Variants in CACNA2D3 observed in about 807,000 individuals in gnomAD.
CACNA2D3 encodes the protein voltage-dependent calcium channel subunit alpha-2/delta-3.
A neutral mutation model predicts 160.6 loss-of-function variants in CACNA2D3; 60 were observed. The observed-to-expected ratio is 0.37, with a 90% CI of 0.30 to 0.46. The LOEUF is 0.46. Among genes scored for constraint, CACNA2D3 ranks in the 20% least tolerant of loss-of-function variants. The pLI is 1.00. For missense variants in CACNA2D3, 1,205 were observed against 1,365.0 expected, an observed-to-expected ratio of 0.88 and a Z score of 1.85; for synonymous variants, 558 against 492.9, an observed-to-expected ratio of 1.13 and a Z score of -1.75.
chr3:54,828,921 A>G (rs919678587), intron 14 of CACNA2D3, among the ~76,000 whole-genome samples: 1 of 152,242 alleles, frequency 6.6e-6, no homozygotes, highest in African/African-American at 2.4e-5. Context: ...ACACTTTACC[A>G]AGACAATCAA....
At chr3:54,709,918 C>G (rs1429062618) in intron 11 of CACNA2D3, among the ~76,000 whole-genome samples, 3 of 152,174 alleles carry the variant, frequency 2.0e-5, no homozygotes, top group Non-Finnish European at 4.4e-5. Context: ...GAGCAAGACC[C>G]TGTCTCTAAA....
intron 12 of CACNA2D3, among the ~76,000 whole-genome samples, chr3:54,755,962 A>G (rs1701962319): frequency 6.6e-6 from 1 of 152,178 alleles, no homozygotes. Context: ...GTCTTGTCTT[A>G]ATCAACTAAT....
intron 18 of CACNA2D3, among the ~76,000 whole-genome samples, chr3:54,872,643 C>T (rs1699562774): frequency 6.6e-6 from 1 of 152,212 alleles, no homozygotes; most frequent in Non-Finnish European, 1.5e-5. Flanking sequence ...TGCACTTTGT[C>T]ACCAGCTCAA....
chr3:54,952,327 T>A (rs553451561), intron 27 of CACNA2D3, among the ~76,000 whole-genome samples: 16 of 152,302 alleles, frequency 1.1e-4, no homozygotes, highest in African/African-American at 3.6e-4. Flanking sequence ...CCCTGCCTAG[T>A]TTCCCAGGAG....
chr3:54,343,203 G>A (rs1036945474), intron 3 of CACNA2D3, among the ~76,000 whole-genome samples: 3 of 152,084 alleles, frequency 2.0e-5, no homozygotes, highest in African/African-American at 7.2e-5. Context: ...CCCCTCCCAC[G>A]AGGAGATTGT....
At chr3:54,175,591 G>A (rs1458454899) in intron 2 of CACNA2D3, among the ~76,000 whole-genome samples, 1 of 145,866 alleles carries the variant, frequency 6.9e-6, no homozygotes, top group East Asian at 2.0e-4. Flanking sequence ...CCAGCCTGGG[G>A]TGACAAAGCG....
intron 11 of CACNA2D3, among the ~76,000 whole-genome samples, chr3:54,652,207 T>C (rs1035714235): frequency 6.6e-6 from 1 of 151,860 alleles, no homozygotes; most frequent in Non-Finnish European, 1.5e-5. Flanking sequence ...TAATAAGGGA[T>C]GTTGAAGGTG....
intron 35 of CACNA2D3, among the ~76,000 whole-genome samples, 192 bp downstream of exon 35, chr3:55,018,509 A>G (rs747046120): frequency 6.6e-6 from 1 of 152,222 alleles, no homozygotes; most frequent in Non-Finnish European, 1.5e-5. Context: ...GACACTGGGA[A>G]GCATTCAGAA....
At chr3:54,794,552 C>G (rs1702828116) in intron 13 of CACNA2D3, among the ~76,000 whole-genome samples, 1 of 150,938 alleles carries the variant, frequency 6.6e-6, no homozygotes, top group Admixed American at 6.6e-5. Flanking sequence ...TGAAGAATTT[C>G]CTTTAATTTT....
intron 8 of CACNA2D3, among the ~76,000 whole-genome samples, chr3:54,577,726 A>G (rs4955866): frequency 0.34 from 52,010 of 152,078 alleles, 9,872 homozygotes; most frequent in Non-Finnish European, 0.43. Context: ...TCATCCTCAC[A>G]GTGAGCTCAT....
At chr3:54,808,218 A>G (rs1703185943) in intron 13 of CACNA2D3, among the ~76,000 whole-genome samples, 1 of 152,134 alleles carries the variant, frequency 6.6e-6, no homozygotes, top group South Asian at 2.1e-4. Context: ...TAATTTTTAA[A>G]AAATAAAAAA....
chr3:54,336,188 G>A (rs924838290), intron 3 of CACNA2D3, among the ~76,000 whole-genome samples: 48 of 152,128 alleles, frequency 3.2e-4, no homozygotes, highest in African/African-American at 1.1e-3. Context: ...ACGCATGGAC[G>A]CCCTCCTGCT....
At chr3:54,365,177 A>C (rs913020726) in intron 3 of CACNA2D3, among the ~76,000 whole-genome samples, 2 of 152,214 alleles carry the variant, frequency 1.3e-5, no homozygotes, top group African/African-American at 2.4e-5. Context: ...AGTGGGGACC[A>C]CTTCAAACAT....
rs537004846 is a variant in CACNA2D3, at chr3:54,977,376, A to G, written c.2557-7232A>G. Among the ~76,000 whole-genome samples, 11 of 152,284 alleles carry G rather than the reference A, an allele frequency of 7.2e-5. No individual in the cohort carries two copies. The South Asian group carries it at 1.5e-3, about 20-fold the overall frequency. On this transcript the variant is annotated intron_variant, in intron 29 of 37. Coordinates refer to ENST00000474759, the MANE Select transcript of CACNA2D3 (RefSeq NM_018398.3). The stretch of plus-strand genomic sequence containing the variant: ...ATTGGAGCTGTTTAACGTTACTTTC[A>G]TGGACTTCATGAAATCTTGCCTCTT...
intron 12 of CACNA2D3, among the ~76,000 whole-genome samples, chr3:54,754,905 C>G (rs575638391): frequency 6.6e-6 from 1 of 152,264 alleles, no homozygotes; most frequent in South Asian, 2.1e-4. Context: ...AGGGGGGTGA[C>G]TGAGAACTCT....
Position 55,021,625 on chromosome 3 carries a change from GTATA to G in CACNA2D3, c.2987+3324_2987+3327del, listed in dbSNP as rs61298986. ...TATATATATATATATATGTGTGTGT[GTATA>G]TATATATATATATATGTGTATATAT... On this transcript the variant is annotated intron_variant, in intron 35 of 37. Transcript: ENST00000474759. 7.5e-3 allele frequency among the ~76,000 whole-genome samples: 983 copies of G among 131,466 alleles called. 21 individuals are homozygous for G. Among genetic ancestry groups the G allele is most frequent in the African/African-American group, 0.026 (926 of 35,728 alleles). 86.2% of individuals were successfully genotyped at this position (131,466 alleles called of 152,430 possible).
intron 13 of CACNA2D3, among the ~76,000 whole-genome samples, chr3:54,809,307 C>CTT (rs1417063441): frequency 4.6e-5 from 4 of 86,262 alleles, no homozygotes; most frequent in African/African-American, 8.1e-5. Flanking sequence ...TTCCTTCCTT[C>CTT]TTTCTTTTTT....
At chr3:54,975,588 T>C (rs1282907323) in intron 29 of CACNA2D3, among the ~76,000 whole-genome samples, 1 of 151,774 alleles carries the variant, frequency 6.6e-6, no homozygotes, top group Non-Finnish European at 1.5e-5. Context: ...CTTAGGCATG[T>C]TGTCCTTCAG....
At chr3:54,913,975 T>C (rs1125025) in intron 27 of CACNA2D3, among the ~76,000 whole-genome samples, 102,520 of 152,008 alleles carry the variant, frequency 0.67, 35,388 homozygotes, top group African/African-American at 0.82. Context: ...CTGATAATGG[T>C]GTTGTAATTG....
Sources: gnomAD v4.1 joint callset for allele counts (sites outside exome capture counted in the v4.1 genomes callset) on GRCh38, gnomAD v4.1.1 for gene constraint, MANE v1.5 for transcripts, NCBI Gene and HGNC (gene_info 2026-07-23, HGNC 2026-07-21) for gene names.